Variants in STK32B observed in about 807,000 individuals in gnomAD.
The protein encoded by STK32B is serine/threonine-protein kinase 32B.
STK32B carries 43 observed loss-of-function variants against 52.6 expected under a neutral mutation model. The observed-to-expected ratio is 0.82, with a 90% CI of 0.64 to 1.05. The LOEUF (loss-of-function observed/expected upper bound fraction) is 1.05, where lower values mean the gene tolerates loss of function less well. Among genes scored for constraint, STK32B ranks in the 50% least tolerant of loss-of-function variants. The probability of loss-of-function intolerance (pLI) is 0.00; values close to 1 mark genes in which losing one functional copy is unlikely to be tolerated. For missense variants in STK32B, 621 were observed against 534.6 expected (o/e 1.16, Z -1.59); for synonymous variants, 238 against 204.3 (o/e 1.17, Z -1.41).
At chr4:5,198,882 C>T (rs946019415) in intron 3 of STK32B, among the ~76,000 whole-genome samples, 16 of 150,158 alleles carry the variant, frequency 1.1e-4, no homozygotes, top group African/African-American at 3.8e-4. Flanking sequence ...ATCCCTGCTG[C>T]GCACAGTGTT....
intron 1 of STK32B, among the ~76,000 whole-genome samples, chr4:5,112,304 T>G (rs1197766495): frequency 6.6e-6 from 1 of 152,036 alleles, no homozygotes; most frequent in Non-Finnish European, 1.5e-5. Context: ...AAAAAGAGAT[T>G]TATTATAAGG....
intron 1 of STK32B, among the ~76,000 whole-genome samples, chr4:5,122,530 C>T (rs182448584): frequency 3.4e-4 from 51 of 151,938 alleles, no homozygotes; most frequent in African/African-American, 1.0e-3. Flanking sequence ...CTTGCTCCTT[C>T]GTTCACTCAT....
At chr4:5,215,408 A>G (rs1723125894) in intron 3 of STK32B, among the ~76,000 whole-genome samples, 1 of 152,158 alleles carries the variant, frequency 6.6e-6, no homozygotes, top group South Asian at 2.1e-4. Context: ...TTGCCTCCAA[A>G]TGAACCTATT....
chr4:5,335,961 G>A (rs191660266), intron 4 of STK32B, among the ~76,000 whole-genome samples: 27 of 151,372 alleles, frequency 1.8e-4, no homozygotes, highest in Non-Finnish European at 3.1e-4. Flanking sequence ...TATTGAGAAC[G>A]CAGACCTCTT....
chr4:5,143,124 T>TCC (rs1716623048), intron 2 of STK32B, among the ~76,000 whole-genome samples: 1 of 150,496 alleles, frequency 6.6e-6, no homozygotes, highest in Non-Finnish European at 1.5e-5. Flanking sequence ...TCTGTCTGTC[T>TCC]GTCTGTCTAT....
At chr4:5,027,735 G>T in the STK32B span, among the ~76,000 whole-genome samples, 1 of 152,186 alleles carries the variant, frequency 6.6e-6, no homozygotes, top group Admixed American at 6.5e-5. Context: ...CATGGCTCAG[G>T]AGGGACTAAT....
At chr4:5,496,058 G>C (rs914364595) in intron 11 of STK32B, among the ~76,000 whole-genome samples, 3 of 152,226 alleles carry the variant, frequency 2.0e-5, no homozygotes, top group African/African-American at 7.2e-5. Flanking sequence ...CAGTCTGCCT[G>C]TTCTCAGATC....
chr4:5,480,084 G>A (rs959167411), intron 11 of STK32B, among the ~76,000 whole-genome samples: 3 of 152,160 alleles, frequency 2.0e-5, no homozygotes, highest in Non-Finnish European at 4.4e-5. Flanking sequence ...CAGCCTCGGT[G>A]ACAGTCAGCA....
intron 5 of STK32B, among the ~76,000 whole-genome samples, chr4:5,409,219 G>A (rs532997598): frequency 2.7e-4 from 41 of 152,248 alleles, no homozygotes; most frequent in Admixed American, 2.2e-3. Flanking sequence ...AAGAGAGTTA[G>A]AAAATGCATT....
chr4:5,445,367 C>T (rs1262952611), intron 6 of STK32B, among the ~76,000 whole-genome samples: 1 of 152,128 alleles, frequency 6.6e-6, no homozygotes, highest in African/African-American at 2.4e-5. Context: ...ATGTGGCTCC[C>T]CGGGGCAGAT....
At chr4:5,210,598 T>C (rs949627627) in intron 3 of STK32B, among the ~76,000 whole-genome samples, 1 of 152,126 alleles carries the variant, frequency 6.6e-6, no homozygotes, top group Non-Finnish European at 1.5e-5. Context: ...TTACTAGACT[T>C]CAAATTCCAT....
intron 3 of STK32B, among the ~76,000 whole-genome samples, chr4:5,304,964 A>C (rs1407784190): frequency 6.6e-6 from 1 of 151,882 alleles, no homozygotes; most frequent in Non-Finnish European, 1.5e-5. Flanking sequence ...TTTTGTTTTT[A>C]ATTCTGTTCA....
the STK32B span, among the ~76,000 whole-genome samples, chr4:5,042,872 C>A: frequency 6.6e-6 from 1 of 151,344 alleles, no homozygotes; most frequent in Non-Finnish European, 1.5e-5. Flanking sequence ...TTTGGGAGGC[C>A]GAGGCGGGTG....
chr4:5,106,675 T>C (rs1714125446), intron 1 of STK32B, among the ~76,000 whole-genome samples: 1 of 152,240 alleles, frequency 6.6e-6, no homozygotes, highest in Non-Finnish European at 1.5e-5. Context: ...ATCCATTCTG[T>C]TTCTTAGATC....
rs1224701113 is a variant in STK32B, at chr4:5,163,535, AGGCTGTGT to A, written c.109-4762_109-4755del. Among the ~76,000 whole-genome samples, 268 of 98,654 alleles carry A rather than the reference AGGCTGTGT, an allele frequency of 2.7e-3. 1 individual carries two copies. The highest frequency in any genetic ancestry group is 9.7e-3 in the African/African-American group (253 of 26,016). The allele number at this position is 98,654 out of a possible 152,430, so 64.7% of individuals were successfully genotyped here. A position where few individuals can be genotyped will look rare whatever the true frequency, so the allele number is the denominator to read the frequency against. ...TTCTAAAGAGTTTGAGATAGAGTGAAGGCTGTGTGTGTGTGTGTGTGTGTGTGTGTGTG... is the reference window on the plus strand; with the variant it reads ...TTCTAAAGAGTTTGAGATAGAGTGAAGTGTGTGTGTGTGTGTGTGTGTGTG... On this transcript the variant is annotated intron_variant, in intron 2 of 11. Transcript: ENST00000282908.
At chr4:5,129,106 AG>A (rs1366876719) in intron 1 of STK32B, among the ~76,000 whole-genome samples, 1 of 152,216 alleles carries the variant, frequency 6.6e-6, no homozygotes, top group Non-Finnish European at 1.5e-5. Context: ...GGAAGGCAAG[AG>A]ACTGATATTT....
At position 5,168,290 on chromosome 4, in the gene STK32B, G is replaced by C; in HGVS notation, c.109-9G>C. ...GGCCTGACTGTTCTCTCCTTTGGCT[G>C]TCGCTCAGGTATGCATCGTGCAGAA... is the stretch of plus-strand genomic sequence containing the variant. On this transcript the variant is annotated splice_polypyrimidine_tract_variant and intron_variant, in intron 2 of 11. Transcript: ENST00000282908. The C allele has an allele frequency of 6.2e-7, 1 of 1,606,274 alleles. No individual in the cohort carries two copies. The highest frequency in any genetic ancestry group is 8.5e-7 in the Non-Finnish European group (1 of 1,173,916).
intron 6 of STK32B, among the ~76,000 whole-genome samples, chr4:5,440,196 G>C (rs1714582278): frequency 6.6e-6 from 1 of 152,166 alleles, no homozygotes; most frequent in South Asian, 2.1e-4. Context: ...ACCTTGGGCA[G>C]TATGGCCATT....
At chr4:5,051,430 TGCC>T (rs1741770867), upstream of STK32B, 1 of 191,886 alleles carries the variant, frequency 5.2e-6, no homozygotes, top group Admixed American at 6.3e-5. Flanking sequence ...CCTTCCGCCC[TGCC>T]GCCGCCCACT....
Sources: allele counts gnomAD v4.1 joint callset (sites outside exome capture counted in the v4.1 genomes callset), GRCh38; gene constraint gnomAD v4.1.1; transcripts MANE v1.5; gene names NCBI Gene and HGNC (gene_info 2026-07-23, HGNC 2026-07-21).